SLC24A2: variants seen among roughly 807,000 people sequenced by gnomAD.
SLC24A2 encodes the protein solute carrier family 24 member 2, also known as sodium/potassium/calcium exchanger 2.
Under a neutral mutation model 62.0 loss-of-function variants are expected in SLC24A2, and 36 were observed. The observed-to-expected ratio is 0.58, with a 90% CI of 0.44 to 0.77. SLC24A2 has a LOEUF of 0.77. SLC24A2 is among the 30% of genes least tolerant of loss of function. The pLI is 0.00. For missense variants in SLC24A2, 846 were observed against 817.9 expected, an observed-to-expected ratio of 1.03 and a Z score of -0.42; for synonymous variants, 358 against 294.0, an observed-to-expected ratio of 1.22 and a Z score of -2.23.
chr9:20,264,887 A>C, the SLC24A2 span, among the ~76,000 whole-genome samples: 1 of 152,216 alleles, frequency 6.6e-6, no homozygotes, highest in African/African-American at 2.4e-5. Flanking sequence ...TAAAATGTGT[A>C]ATCTCTGAGT....
At chr9:19,799,329 T>A in the SLC24A2 span, among the ~76,000 whole-genome samples, 1 of 152,234 alleles carries the variant, frequency 6.6e-6, no homozygotes, top group Non-Finnish European at 1.5e-5. Context: ...TTTTTCTGTT[T>A]CCTAAAGTAA....
At chr9:19,941,077 G>C in the SLC24A2 span, among the ~76,000 whole-genome samples, 1 of 152,184 alleles carries the variant, frequency 6.6e-6, no homozygotes, top group African/African-American at 2.4e-5. Context: ...GGAAGATTTA[G>C]AGACTGATGT....
the SLC24A2 span, among the ~76,000 whole-genome samples, chr9:20,196,543 G>A: frequency 6.6e-6 from 1 of 152,108 alleles, no homozygotes; most frequent in Non-Finnish European, 1.5e-5. Context: ...CAGATTCAGT[G>A]GCTCTGAGCC....
the SLC24A2 span, among the ~76,000 whole-genome samples, chr9:19,952,222 T>C: frequency 6.6e-6 from 1 of 152,120 alleles, no homozygotes; most frequent in Non-Finnish European, 1.5e-5. Flanking sequence ...TTAGATTCCT[T>C]AAGCATTCTC....
the SLC24A2 span, among the ~76,000 whole-genome samples, chr9:19,936,183 C>T: frequency 1.3e-4 from 20 of 152,116 alleles, 2 homozygotes; most frequent in South Asian, 3.1e-3. Context: ...TTATATTTTT[C>T]GGGACTCCTT....
At chr9:19,979,838 A>G in the SLC24A2 span, among the ~76,000 whole-genome samples, 1 of 152,200 alleles carries the variant, frequency 6.6e-6, no homozygotes, top group African/African-American at 2.4e-5. Context: ...GTCACTCACA[A>G]CGCAACTTTA....
At chr9:20,302,852 A>G in the SLC24A2 span, among the ~76,000 whole-genome samples, 17 of 152,214 alleles carry the variant, frequency 1.1e-4, no homozygotes, top group Admixed American at 2.0e-4. Context: ...ATAACCAATT[A>G]TTTCCCATAT....
intron 4 of SLC24A2, among the ~76,000 whole-genome samples, chr9:19,618,026 G>A (rs1817814117): frequency 6.6e-6 from 1 of 152,218 alleles, no homozygotes; most frequent in South Asian, 2.1e-4. Flanking sequence ...GCTATATTTT[G>A]TGAAAGTAGA....
intron 2 of SLC24A2, among the ~76,000 whole-genome samples, chr9:19,631,932 C>A (rs1285740642): frequency 6.6e-6 from 1 of 152,072 alleles, no homozygotes; most frequent in African/African-American, 2.4e-5. Context: ...CAGTAGGGGT[C>A]CTCTGTTTTG....
At chr9:19,774,253 T>A (rs112905388) in intron 2 of SLC24A2, among the ~76,000 whole-genome samples, 1 of 152,250 alleles carries the variant, frequency 6.6e-6, no homozygotes, top group African/African-American at 2.4e-5. Flanking sequence ...TTTAATCTCA[T>A]CAAAAATTCA....
At chr9:19,714,567 A>C (rs1215169389) in intron 2 of SLC24A2, among the ~76,000 whole-genome samples, 1 of 152,204 alleles carries the variant, frequency 6.6e-6, no homozygotes, top group Non-Finnish European at 1.5e-5. Flanking sequence ...CACATCACTT[A>C]CCTTTTCCCT....
chr9:19,909,671 A>G, the SLC24A2 span, among the ~76,000 whole-genome samples: 4 of 152,162 alleles, frequency 2.6e-5, no homozygotes, highest in African/African-American at 9.7e-5. Flanking sequence ...TCTGGTGATT[A>G]GAGTCACTCT....
intron 2 of SLC24A2, among the ~76,000 whole-genome samples, chr9:19,712,311 C>G (rs968178728): frequency 6.6e-6 from 1 of 152,224 alleles, no homozygotes; most frequent in Non-Finnish European, 1.5e-5. Context: ...CACTCGAGAA[C>G]TCTATTCCAG....
intron 8 of SLC24A2, among the ~76,000 whole-genome samples, chr9:19,547,395 C>A (rs1001248224): frequency 2.6e-5 from 4 of 152,142 alleles, no homozygotes; most frequent in African/African-American, 9.7e-5. Flanking sequence ...TTGCTCTGTG[C>A]CTCTCCGGAT....
At chr9:20,225,577 T>TATATATATAATATATATAATATATATATA in the SLC24A2 span, among the ~76,000 whole-genome samples, 2 of 57,924 alleles carry the variant, frequency 3.5e-5, no homozygotes, top group Admixed American at 1.8e-4. Context: ...TATATATAAT[T>TATATATATAATATATATAATATATATATA]TCATTTAAAG....
At chr9:20,106,507 A>G in the SLC24A2 span, among the ~76,000 whole-genome samples, 118 of 152,328 alleles carry the variant, frequency 7.7e-4, 1 homozygote, top group South Asian at 6.2e-4. Flanking sequence ...ACCATGATCA[A>G]GTGGGCTTCA....
the SLC24A2 span, among the ~76,000 whole-genome samples, chr9:20,250,392 C>T: frequency 6.6e-6 from 1 of 152,200 alleles, no homozygotes; most frequent in African/African-American, 2.4e-5. Flanking sequence ...GTGTTCATGG[C>T]AGACATCACC....
At chr9:19,977,465 G>T in the SLC24A2 span, among the ~76,000 whole-genome samples, 2 of 152,110 alleles carry the variant, frequency 1.3e-5, no homozygotes, top group Non-Finnish European at 2.9e-5. Flanking sequence ...TGGAGCATGA[G>T]CTAGAGAGAA....
At chr9:19,708,438 G>A (rs941437977) in intron 2 of SLC24A2, among the ~76,000 whole-genome samples, 5 of 152,066 alleles carry the variant, frequency 3.3e-5, no homozygotes, top group African/African-American at 9.7e-5. Flanking sequence ...AAAAGAGCCT[G>A]CATCACCAAG....
Sources: gnomAD v4.1 joint callset for allele counts (sites outside exome capture counted in the v4.1 genomes callset) on GRCh38, gnomAD v4.1.1 for gene constraint, MANE v1.5 for transcripts, NCBI Gene and HGNC (gene_info 2026-07-23, HGNC 2026-07-21) for gene names.